RELCH: variants seen among roughly 807,000 people sequenced by gnomAD.
The protein encoded by RELCH is RAB11 binding and LisH domain, coiled-coil and HEAT repeat containing.
In RELCH, 41 loss-of-function variants were observed where a neutral mutation model predicts 150.3. That is an observed-to-expected ratio of 0.27 (90% CI 0.21 to 0.35). The LOEUF is 0.35. Ranked by LOEUF, RELCH falls within the 10% of genes least tolerant of loss-of-function variation. The pLI is 1.00. For synonymous variants in RELCH, 478 were observed against 531.8 expected (o/e 0.90, Z 1.39); for missense variants, 1,092 against 1,467.8 (o/e 0.74, Z 4.18).
chr18:62,260,371 A>C (rs1468920978), intron 15 of RELCH, among the ~76,000 whole-genome samples: 3 of 143,172 alleles, frequency 2.1e-5, no homozygotes, highest in Admixed American at 1.4e-4. Flanking sequence ...TATTATTAAA[A>C]AGACAAAAAA....
chr18:62,217,179 GAT>G (rs1197536830), intron 2 of RELCH, among the ~76,000 whole-genome samples: 1 of 151,840 alleles, frequency 6.6e-6, no homozygotes, highest in African/African-American at 2.4e-5. Flanking sequence ...TTTATCTTTA[GAT>G]TAACATTGCT....
chr18:62,232,235 A>T, intron 9 of RELCH, 97 bp from the exon 10 acceptor site: 1 of 679,440 alleles, frequency 1.5e-6, no homozygotes, highest in Non-Finnish European at 2.7e-6. Flanking sequence ...ATGTGTGTTT[A>T]GGGCAGAGGT....
intron 28 of RELCH, among the ~76,000 whole-genome samples, chr18:62,303,279 A>C (rs148739295): frequency 1.3e-5 from 2 of 152,318 alleles, no homozygotes; most frequent in African/African-American, 4.8e-5. Flanking sequence ...GAAGTTTTCC[A>C]GGTGACTATG....
chr18:62,260,157 T>G (rs898752867), intron 15 of RELCH, among the ~76,000 whole-genome samples: 1 of 99,510 alleles, frequency 1.0e-5, no homozygotes, highest in Admixed American at 1.1e-4. Context: ...AAGGGATTAA[T>G]AACCAAAATA....
chr18:62,291,834 G>A (rs929106207), intron 27 of RELCH, among the ~76,000 whole-genome samples: 3 of 151,736 alleles, frequency 2.0e-5, no homozygotes, highest in African/African-American at 7.3e-5. Context: ...TCTACAGTAG[G>A]GATAATACAC....
chr18:62,253,478 T>C (rs1313950080), intron 12 of RELCH, among the ~76,000 whole-genome samples: 1 of 152,174 alleles, frequency 6.6e-6, no homozygotes, highest in Non-Finnish European at 1.5e-5. Context: ...CTCAGAATCA[T>C]TGACTTTCTA....
At chr18:62,277,803 A>G in intron 22 of RELCH, 1 of 813,500 alleles carries the variant, frequency 1.2e-6, no homozygotes, top group East Asian at 1.2e-4. Context: ...AAATTATTTT[A>G]TAAGAGGAAT....
intron 1 of RELCH, among the ~76,000 whole-genome samples, chr18:62,195,465 A>G (rs1037748408): frequency 1.3e-5 from 2 of 152,116 alleles, no homozygotes; most frequent in East Asian, 1.9e-4. Flanking sequence ...TTCTGCTTGA[A>G]GCATTAGGGC....
At chr18:62,204,656 T>G (rs938044255) in intron 1 of RELCH, among the ~76,000 whole-genome samples, 2 of 152,226 alleles carry the variant, frequency 1.3e-5, no homozygotes, top group Non-Finnish European at 2.9e-5. Flanking sequence ...TATTAGTTAT[T>G]TACCAAGGCA....
At chr18:62,287,489 G>A in intron 26 of RELCH, 22 bp downstream of exon 26, 1 of 1,224,746 alleles carries the variant, frequency 8.2e-7, no homozygotes, top group Non-Finnish European at 1.2e-6. Context: ...TTATTAAGGT[G>A]TATCTACATT....
intron 28 of RELCH, among the ~76,000 whole-genome samples, chr18:62,299,769 C>T (rs2045584620): frequency 1.3e-5 from 2 of 152,100 alleles, no homozygotes; most frequent in South Asian, 4.1e-4. Flanking sequence ...AATTTCTATA[C>T]ATGTTATAAC....
chr18:62,291,672 T>C (rs1241813737), intron 27 of RELCH, 41 bp downstream of exon 27: 2 of 1,279,570 alleles, frequency 1.6e-6, no homozygotes, highest in Non-Finnish European at 1.1e-6. Context: ...CATGTTTTAA[T>C]ACCTCATATA....
intron 8 of RELCH, among the ~76,000 whole-genome samples, chr18:62,229,609 G>A (rs2041444225): frequency 6.6e-6 from 1 of 151,464 alleles, no homozygotes; most frequent in African/African-American, 2.4e-5. Context: ...AGACAGACAA[G>A]CAATAACACT....
intron 25 of RELCH, chr18:62,285,557 C>G (rs2044747569): frequency 6.6e-6 from 1 of 152,266 alleles, no homozygotes; most frequent in South Asian, 2.1e-4. Context: ...GAGTTCAACA[C>G]CAGCCTGAGC....
At chr18:62,280,558 T>C in intron 23 of RELCH, 88 bp from the exon 24 acceptor site, 1 of 1,289,350 alleles carries the variant, frequency 7.8e-7, no homozygotes, top group South Asian at 1.2e-5. Flanking sequence ...ATACAGTATA[T>C]TTACCTTGTA....
chr18:62,195,339 C>T (rs989454499), intron 1 of RELCH, among the ~76,000 whole-genome samples: 1 of 147,804 alleles, frequency 6.8e-6, no homozygotes, highest in Non-Finnish European at 1.5e-5. Context: ...GCCAGGTGAG[C>T]CAGGATAGCT....
At chr18:62,203,629 G>A (rs907571672) in intron 1 of RELCH, among the ~76,000 whole-genome samples, 3 of 152,174 alleles carry the variant, frequency 2.0e-5, no homozygotes, top group Admixed American at 6.5e-5. Flanking sequence ...TTTGGAAAGC[G>A]ATTTAGCAGT....
At position 62,306,791 on chromosome 18, in the gene RELCH, C is replaced by A. The variant is rs967503518; in HGVS notation, c.*1257C>A. On this transcript the variant is annotated 3_prime_UTR_variant, in exon 29 of 29. Transcript: ENST00000644646. ...AATGAATATTTTGATAAAAAGAATT[C>A]TTGTTTTAGCACAGTTGATGCACAT... 2.6e-5 allele frequency: 4 copies of A among 152,546 alleles called. No individual in the cohort carries two copies. Among genetic ancestry groups the A allele is most frequent in the Non-Finnish European group, 4.4e-5 (3 of 67,988 alleles). 9.4% of individuals were successfully genotyped at this position (152,546 alleles called of 1,614,324 possible). A position where few individuals can be genotyped will look rare whatever the true frequency, so the allele number is the denominator to read the frequency against.
At chr18:62,251,542 G>T (rs1252597497) in intron 11 of RELCH, among the ~76,000 whole-genome samples, 1 of 152,102 alleles carries the variant, frequency 6.6e-6, no homozygotes, top group African/African-American at 2.4e-5. Flanking sequence ...TCTCAAAATT[G>T]ACCTCTTATC....
Sources: gnomAD v4.1 joint callset for allele counts (sites outside exome capture counted in the v4.1 genomes callset) on GRCh38, gnomAD v4.1.1 for gene constraint, MANE v1.5 for transcripts, NCBI Gene and HGNC (gene_info 2026-07-23, HGNC 2026-07-21) for gene names.